WAC: variants seen among roughly 807,000 people sequenced by gnomAD.
The protein encoded by WAC is WW domain containing adaptor with coiled-coil, also known as WW domain-containing adapter protein with coiled-coil.
WAC carries 11 observed loss-of-function variants against 79.6 expected under a neutral mutation model. That is an observed-to-expected ratio of 0.14 (90% CI 0.09 to 0.23). WAC has a LOEUF of 0.23. Among genes scored for constraint, WAC ranks in the 10% least tolerant of loss-of-function variants. WAC has a pLI of 1.00. For synonymous variants in WAC, 304 were observed against 276.9 expected, an observed-to-expected ratio of 1.10 and a Z score of -0.97; for missense variants, 728 against 773.5, an observed-to-expected ratio of 0.94 and a Z score of 0.70.
intron 4 of WAC, among the ~76,000 whole-genome samples, chr10:28,587,096 G>A (rs1396882828): frequency 6.6e-6 from 1 of 152,024 alleles, no homozygotes; most frequent in Non-Finnish European, 1.5e-5. Context: ...ACCTCATCTC[G>A]GGGAAGAACG....
Position 28,583,404 on chromosome 10 carries a change from A to G in WAC, c.280A>G (p.Ser94Gly), listed in dbSNP as rs929406831. The change falls in exon 4 of 14, where the codon AGT (serine) becomes GGT (glycine). Residue 94 changes from serine (S) to glycine (G), a missense_variant. Physicochemically the swap from Ser to Gly is moderately conservative, Grantham distance 56. This residue lies in a region of WAC where 648 missense variants were observed against 661.5 expected (regional missense o/e 0.98). Coordinates refer to ENST00000354911, the MANE Select transcript of WAC (RefSeq NM_016628.5). ...HRVRERDGGT[S>G]YSPQENSHNH... is the part of the protein sequence containing the mutation. ...TTGTTCTTTATTTTTTTAAGGGACC[A>G]GTTACTCTCCACAAGAAAATTCACA... The G allele has an allele frequency of 3.2e-6, 5 of 1,579,216 alleles. No individual in the cohort carries two copies. The highest frequency in any genetic ancestry group is 2.3e-5 in the East Asian group (1 of 43,680).
chr10:28,558,239 A>T (rs574276697), intron 3 of WAC, among the ~76,000 whole-genome samples: 1 of 151,950 alleles, frequency 6.6e-6, no homozygotes, highest in Non-Finnish European at 1.5e-5. Context: ...TTCTGTTGCC[A>T]CTTTGTTCTC....
In WAC at chr10:28,583,498, C is replaced by T. The variant is rs864321692; in HGVS notation, c.374C>T (p.Ser125Leu). 1.3e-6 allele frequency: 2 copies of T among 1,552,690 alleles called. No individual in the cohort carries two copies. The highest frequency in any genetic ancestry group is 2.0e-5 in the Admixed American group (1 of 51,132). The change falls in exon 4 of 14, where the codon TCA (serine) becomes TTA (leucine). Residue 125 changes from serine to leucine, a missense_variant. Transcript: ENST00000354911. The part of the protein sequence containing the change: ...SNPSNNPSKT[S>L]DAPYDSADDW... ...CCAAGCAATAACCCAAGCAAAACTTCAGATGCAGTAAGTATTATAAACATG... is the reference window on the plus strand; with the variant it reads ...CCAAGCAATAACCCAAGCAAAACTTTAGATGCAGTAAGTATTATAAACATG...
chr10:28,533,666 G>C, intron 1 of WAC, 46 bp downstream of exon 1: 1 of 1,524,484 alleles, frequency 6.6e-7, no homozygotes, highest in South Asian at 1.2e-5. Flanking sequence ...GGGGGGCGGC[G>C]GCGGGGGGGC....
chr10:28,552,248 A>C (rs922457853), intron 3 of WAC, among the ~76,000 whole-genome samples: 5 of 152,292 alleles, frequency 3.3e-5, no homozygotes, highest in South Asian at 2.1e-4. Flanking sequence ...TCTGACTTTA[A>C]AAAGCACTAA....
chr10:28,567,711 G>C (rs1357888566), intron 3 of WAC, among the ~76,000 whole-genome samples: 1 of 152,076 alleles, frequency 6.6e-6, no homozygotes, highest in Non-Finnish European at 1.5e-5. Flanking sequence ...ACAAGAATTG[G>C]AACTTGTACC....
Position 28,534,013 on chromosome 10 carries a change from G to A in WAC, c.57G>A (p.Arg19=), listed in dbSNP as rs778650995. 5 of 1,602,204 alleles carry A rather than the reference G, an allele frequency of 3.1e-6. No individual in the cohort carries two copies. Among genetic ancestry groups the A allele is most frequent in the African/African-American group, 1.4e-5 (1 of 73,028 alleles). The change falls in exon 2 of 14, where the codon AGG becomes AGA. Residue 19 remains arginine, a synonymous_variant. Transcript: ENST00000354911. ...TGTTTTTCAGCTGTCACGACCGGAG[G>A]GGGGACTCGCAGCCTTACCAGGTAC... ...QRLSDGCHDR[R]GDSQPYQALK... is the part of the protein sequence containing the mutation.
At chr10:28,565,189 C>G (rs373878201) in intron 3 of WAC, among the ~76,000 whole-genome samples, 3 of 152,298 alleles carry the variant, frequency 2.0e-5, no homozygotes, top group East Asian at 3.9e-4. Context: ...GAATGTCCCA[C>G]AATTTGTTTA....
At chr10:28,592,788 A>G (rs749713570) in intron 6 of WAC, among the ~76,000 whole-genome samples, 31 of 152,202 alleles carry the variant, frequency 2.0e-4, no homozygotes, top group Non-Finnish European at 3.2e-4. Context: ...TTTTTTCTGT[A>G]TGCATATAAA....
intron 4 of WAC, among the ~76,000 whole-genome samples, chr10:28,584,570 A>C (rs1378728266): frequency 6.6e-6 from 1 of 152,186 alleles, no homozygotes; most frequent in Non-Finnish European, 1.5e-5. Flanking sequence ...GCAGTGTGGA[A>C]ATATAGGAAA....
chr10:28,609,742 T>A (rs1338251772), intron 8 of WAC, among the ~76,000 whole-genome samples: 1 of 151,796 alleles, frequency 6.6e-6, no homozygotes, highest in African/African-American at 2.4e-5. Context: ...GGTGTGGTGG[T>A]GAACGCCTGT....
chr10:28,615,626 C>T (rs1841435130), intron 11 of WAC: 1 of 152,200 alleles, frequency 6.6e-6, no homozygotes, highest in South Asian at 2.1e-4. Flanking sequence ...ACCATATCCC[C>T]AACCCTGGCC....
rs1841458262 is a variant in WAC, at chr10:28,616,158, A to T, written c.1557-15A>T. 4 of 1,569,150 alleles carry T rather than the reference A, an allele frequency of 2.5e-6. No homozygotes were observed. Among genetic ancestry groups the T allele is most frequent in the Non-Finnish European group, 3.5e-6 (4 of 1,151,868 alleles). ...CTACTTTTAAACATACTACACATTC[A>T]ATTCTGTTTTCTAGTAGCCAGAGAA... On this transcript the variant is annotated splice_polypyrimidine_tract_variant and intron_variant, in intron 11 of 13. Coordinates refer to ENST00000354911, the MANE Select transcript of WAC (RefSeq NM_016628.5).
At position 28,533,946 on chromosome 10, in the gene WAC, C is replaced by A. The variant is rs573773244; in HGVS notation, c.42-52C>A. Reference sequence around the variant, plus strand: ...GGGGCCCCGTTTTCTTCCTCCCCGGCCCCCCACCCGCGCCGTGTCTTATGT... The same window carrying A: ...GGGGCCCCGTTTTCTTCCTCCCCGGACCCCCACCCGCGCCGTGTCTTATGT... On this transcript the variant is annotated intron_variant, in intron 1 of 13. Transcript: ENST00000354911. 10 of 1,595,440 alleles carry A rather than the reference C, an allele frequency of 6.3e-6. No individual in the cohort carries two copies. In the East Asian group the frequency reaches 6.9e-5, roughly 11 times the overall value.
At position 28,616,315 on chromosome 10, in the gene WAC, C is replaced by G. The variant is rs12360326; in HGVS notation, c.1699C>G (p.Leu567Val). Residue 567 changes from leucine to valine, a missense_variant, in exon 12 of 14, where the codon CTC becomes GTC. Leu to Val is a conservative substitution (Grantham distance 32). This residue lies in a region of WAC where 14 missense variants were observed against 33.1 expected (regional missense o/e 0.42). Coordinates refer to ENST00000354911, the MANE Select transcript of WAC (RefSeq NM_016628.5). The stretch of plus-strand genomic sequence containing the variant: ...ACTAGCAGCACACTTCAGTGAAAAT[C>G]TCATAAAACACGTTCAAGGATGGCC... ...PALAAHFSEN[L>V]IKHVQGWPAD... is the part of the protein sequence containing the mutation. 6.2e-7 allele frequency: 1 copy of G among 1,613,474 alleles called. No homozygotes were observed. Among genetic ancestry groups the G allele is most frequent in the South Asian group, 1.1e-5 (1 of 91,032 alleles).
intron 6 of WAC, among the ~76,000 whole-genome samples, chr10:28,592,253 T>C (rs1840130811): frequency 6.6e-6 from 1 of 152,220 alleles, no homozygotes; most frequent in South Asian, 2.1e-4. Context: ...GACCGAGGTT[T>C]TCCTCTAGAC....
intron 7 of WAC, 77 bp from the exon 8 acceptor site, chr10:28,608,109 T>C: frequency 6.5e-7 from 1 of 1,549,904 alleles, no homozygotes; most frequent in Middle Eastern, 1.7e-4. Context: ...GCCTGGCACA[T>C]GAGAGGTGTT....
chr10:28,537,978 C>G (rs1401207083), intron 3 of WAC, among the ~76,000 whole-genome samples: 3 of 152,194 alleles, frequency 2.0e-5, no homozygotes, highest in African/African-American at 7.2e-5. Context: ...AGTCTTCCAG[C>G]TAATACTGTG....
At position 28,552,845 on chromosome 10, in the gene WAC, CTTTTTTTTT is replaced by C. The variant is rs3029447; in HGVS notation, c.274+17103_274+17111del. ...GACAGTGAGCAAATCCACTTGGCTG[CTTTTTTTTT>C]TTTTTTTTTTTTTTGTCTTCTTGGG... On this transcript the variant is annotated intron_variant, in intron 3 of 13. Coordinates refer to ENST00000354911, the MANE Select transcript of WAC (RefSeq NM_016628.5). 3.0e-4 allele frequency among the ~76,000 whole-genome samples: 25 copies of C among 84,354 alleles called. 1 individual carries two copies. The East Asian group carries it at 3.5e-3, about 12-fold the overall frequency. The allele number at this position is 84,354 out of a possible 152,430, so 55.3% of individuals were successfully genotyped here.
Sources: allele counts gnomAD v4.1 joint callset (sites outside exome capture counted in the v4.1 genomes callset), GRCh38; gene constraint gnomAD v4.1.1; regional missense constraint gnomAD v4.1.1; transcripts MANE v1.5; gene names NCBI Gene and HGNC (gene_info 2026-07-23, HGNC 2026-07-21).